Variants in SEPTIN3 observed in about 807,000 individuals in gnomAD.
The protein encoded by SEPTIN3 is septin 3, also known as neuronal-specific septin-3.
SEPTIN3 carries 15 observed loss-of-function variants against 45.1 expected under a neutral mutation model. That is an observed-to-expected ratio of 0.33 (90% CI 0.22 to 0.51). The LOEUF is 0.51. SEPTIN3 is among the 20% of genes least tolerant of loss of function. SEPTIN3 has a pLI of 0.97. For missense variants in SEPTIN3, 289 were observed against 457.2 expected, an observed-to-expected ratio of 0.63 and a Z score of 3.35; for synonymous variants, 148 against 164.8, an observed-to-expected ratio of 0.90 and a Z score of 0.78.
At chr22:41,973,458 G>A (rs2077980074) in intron 2 of SEPTIN3, among the ~76,000 whole-genome samples, 1 of 147,242 alleles carries the variant, frequency 6.8e-6, no homozygotes, top group African/African-American at 2.6e-5. Context: ...AGGAGATCGA[G>A]ACCATCCTGG....
chr22:41,988,521 G>C (rs543901285), intron 6 of SEPTIN3, among the ~76,000 whole-genome samples: 4 of 152,226 alleles, frequency 2.6e-5, no homozygotes, highest in Non-Finnish European at 5.9e-5. Context: ...AATTTTCTAG[G>C]AACCAGGCAG....
intron 2 of SEPTIN3, among the ~76,000 whole-genome samples, chr22:41,980,945 G>C (rs1278035532): frequency 6.6e-6 from 1 of 152,162 alleles, no homozygotes. Flanking sequence ...CTGCAGTGGT[G>C]CTCATGGTAC....
At chr22:41,977,425 G>A (rs914485588) in intron 2 of SEPTIN3, among the ~76,000 whole-genome samples, 6 of 151,980 alleles carry the variant, frequency 3.9e-5, no homozygotes, top group African/African-American at 1.5e-4. Context: ...TGATACATAC[G>A]TCCCCTCCCC....
chr22:41,994,889 G>C lies in SEPTIN3; in HGVS notation c.2505+175G>C, dbSNP rs2078400662. Reference sequence around the variant, plus strand: ...TATTTGTGGAGCATCTTGTCTGTGTGTGTGTGTGTGTGTGTGTGTGTGTGT... The same window carrying C: ...TATTTGTGGAGCATCTTGTCTGTGTCTGTGTGTGTGTGTGTGTGTGTGTGT... On this transcript the variant is annotated intron_variant, in intron 11 of 11. Coordinates refer to ENST00000644076, the MANE Select transcript of SEPTIN3 (RefSeq NM_001363845.2). This position sits in a 1 kb window ranked among gnomAD's most constrained non-coding sequence, Gnocchi z 4.2. The C allele has an allele frequency of 2.9e-6, 3 of 1,045,022 alleles. No homozygotes were observed. Among genetic ancestry groups the C allele is most frequent in the Non-Finnish European group, 2.6e-6 (2 of 772,318 alleles). 64.7% of individuals were successfully genotyped at this position (1,045,022 alleles called of 1,614,324 possible). A position where few individuals can be genotyped will look rare whatever the true frequency, so the allele number is the denominator to read the frequency against.
chr22:41,988,784 C>G (rs796393005), intron 6 of SEPTIN3, among the ~76,000 whole-genome samples: 3 of 152,214 alleles, frequency 2.0e-5, no homozygotes, highest in African/African-American at 7.2e-5. Flanking sequence ...GCAGGACTAA[C>G]TCTGGGGGCT....
chr22:41,997,076 C>A lies in SEPTIN3; in HGVS notation c.*109C>A. 6.3e-7 allele frequency: 1 copy of A among 1,576,616 alleles called. No homozygotes were observed. The highest frequency in any genetic ancestry group is 8.6e-7 in the Non-Finnish European group (1 of 1,162,484). ...TCCAGCTCACCACCACAGCCCCTCT[C>A]AGCCCTCAGTAGGTGGGAGGGGCCA... is the stretch of plus-strand genomic sequence containing the variant. On this transcript the variant is annotated 3_prime_UTR_variant, in exon 12 of 12. Coordinates refer to ENST00000644076, the MANE Select transcript of SEPTIN3 (RefSeq NM_001363845.2).
rs1274422104 is a variant in SEPTIN3, at chr22:41,997,201, C to T, written c.*234C>T. 9.8e-6 allele frequency: 7 copies of T among 713,482 alleles called. No homozygotes were observed. Among genetic ancestry groups the T allele is most frequent in the East Asian group, 6.0e-5 (2 of 33,518 alleles). The allele number at this position is 713,482 out of a possible 1,614,324, so 44.2% of individuals were successfully genotyped here. On this transcript the variant is annotated 3_prime_UTR_variant, in exon 12 of 12. Transcript: ENST00000644076. Reference sequence around the variant, plus strand: ...CAGTACAGCCCTACTGCATCATCTGCGTCAGCCGGTCCTAGCCCATCTGCA... The same window carrying T: ...CAGTACAGCCCTACTGCATCATCTGTGTCAGCCGGTCCTAGCCCATCTGCA...
intron 8 of SEPTIN3, 118 bp downstream of exon 8, chr22:41,991,786 C>G: frequency 1.3e-6 from 1 of 764,886 alleles, no homozygotes; most frequent in Middle Eastern, 2.7e-4. Flanking sequence ...CTTGCCTGAC[C>G]CAGACCAGAA....
intron 3 of SEPTIN3, among the ~76,000 whole-genome samples, chr22:41,982,897 A>G (rs1374551682): frequency 1.3e-5 from 2 of 151,996 alleles, no homozygotes; most frequent in Non-Finnish European, 2.9e-5. Context: ...ATCTCAAAAA[A>G]AAAAGAAGAA....
rs1190262010 is a variant in SEPTIN3, at chr22:41,976,728, G to A, written c.1504+3732G>A. 7 of 152,384 alleles carry A rather than the reference G, an allele frequency of 4.6e-5. No individual in the cohort carries two copies. Among genetic ancestry groups the A allele is most frequent in the Non-Finnish European group, 1.0e-4 (7 of 67,830 alleles). The allele number at this position is 152,384 out of a possible 1,614,324, so 9.4% of individuals were successfully genotyped here. A position where few individuals can be genotyped will look rare whatever the true frequency, so the allele number is the denominator to read the frequency against. ...GACCAGTTCCCGCTTGCGGGCGCGG[G>A]CGCCGCGGGAAGGGGAGGGGCCCTC... On this transcript the variant is annotated intron_variant, in intron 2 of 11. Transcript: ENST00000644076. The surrounding 1 kb of genome is among the most constrained non-coding windows in gnomAD (Gnocchi z 5.8).
At chr22:41,991,739 C>T (rs2078321529) in intron 8 of SEPTIN3, 71 bp downstream of exon 8, 1 of 1,033,570 alleles carries the variant, frequency 9.7e-7, no homozygotes, top group Non-Finnish European at 1.5e-6. Flanking sequence ...TGTGCACGTC[C>T]TCTGTCTGTC....
chr22:41,991,184 C>T (rs2078309423), intron 7 of SEPTIN3, among the ~76,000 whole-genome samples: 1 of 152,152 alleles, frequency 6.6e-6, no homozygotes, highest in Non-Finnish European at 1.5e-5. Flanking sequence ...CAAACAGTCT[C>T]GGAGTAGGGG....
At chr22:41,981,893 A>C (rs2078127969) in intron 3 of SEPTIN3, 57 bp downstream of exon 3, 11 of 1,497,216 alleles carry the variant, frequency 7.3e-6, no homozygotes, top group Non-Finnish European at 1.0e-5. Context: ...CAAGGATCCC[A>C]TTTCTTTCCC....
At chr22:41,989,420 G>A (rs1602419344) in intron 6 of SEPTIN3, 147 bp from the exon 7 acceptor site, 1 of 643,068 alleles carries the variant, frequency 1.6e-6, no homozygotes. Context: ...CAGTGGGGCT[G>A]TGTCGGAGAC....
At chr22:41,987,781 A>G (rs767725887) in intron 6 of SEPTIN3, 22 bp downstream of exon 6, 24 of 1,597,668 alleles carry the variant, frequency 1.5e-5, no homozygotes, top group Admixed American at 1.2e-4. Flanking sequence ...CCCTACCCCT[A>G]TTGTCAGGCC....
At chr22:41,990,536 G>C (rs1480767298) in intron 7 of SEPTIN3, among the ~76,000 whole-genome samples, 27 of 140,590 alleles carry the variant, frequency 1.9e-4, no homozygotes, top group African/African-American at 7.1e-4. Context: ...ACGAAGTCAG[G>C]AGATCAAGAC....
Position 41,994,931 on chromosome 22 carries a change from GAGAGCGAGAGAGCC to G in SEPTIN3, c.2505+218_2505+231del. The G allele has an allele frequency of 1.4e-6, 2 of 1,439,210 alleles. No individual in the cohort carries two copies. Among genetic ancestry groups the G allele is most frequent in the East Asian group, 5.6e-5 (2 of 35,968 alleles). 89.2% of individuals were successfully genotyped at this position (1,439,210 alleles called of 1,614,324 possible). A position where few individuals can be genotyped will look rare whatever the true frequency, so the allele number is the denominator to read the frequency against. On this transcript the variant is annotated intron_variant, in intron 11 of 11. Coordinates refer to ENST00000644076, the MANE Select transcript of SEPTIN3 (RefSeq NM_001363845.2). The surrounding 1 kb of genome is among the most constrained non-coding windows in gnomAD (Gnocchi z 4.2). ...TGTGTGTGTGTGTGTGTGACAGAGA[GAGAGCGAGAGAGCC>G]TGTGTGTGTGCATGCAGGGGTGAGG...
intron 11 of SEPTIN3, chr22:41,995,114 G>A (rs1339678351): frequency 1.8e-6 from 2 of 1,092,440 alleles, no homozygotes; most frequent in African/African-American, 1.6e-5. Flanking sequence ...TAAAAGTGCT[G>A]GGAGCAGGTG....
intron 2 of SEPTIN3, among the ~76,000 whole-genome samples, chr22:41,978,786 A>G (rs2078071424): frequency 1.3e-5 from 2 of 152,126 alleles, no homozygotes; most frequent in South Asian, 2.1e-4. Flanking sequence ...TGAATGAATG[A>G]GTGAATGTGA....
Sources: allele counts gnomAD v4.1 joint callset (sites outside exome capture counted in the v4.1 genomes callset), GRCh38; gene constraint gnomAD v4.1.1; non-coding constraint Gnocchi (gnomAD v3.1); transcripts MANE v1.5; gene names NCBI Gene and HGNC (gene_info 2026-07-23, HGNC 2026-07-21).